CSPP1: variants seen among roughly 807,000 people sequenced by gnomAD.
The protein encoded by CSPP1 is centrosome and spindle pole associated protein 1.
In CSPP1, 126 loss-of-function variants were observed where a neutral mutation model predicts 164.4. The ratio of observed to expected loss-of-function variants is 0.77; its 90% confidence interval spans 0.66 to 0.89. CSPP1 has a LOEUF of 0.89. CSPP1 is among the 40% of genes least tolerant of loss of function. CSPP1 has a pLI of 0.00. For missense variants in CSPP1, 1,395 were observed against 1,449.8 expected (o/e 0.96, Z 0.61); for synonymous variants, 472 against 476.7 (o/e 0.99, Z 0.13).
In CSPP1 at chr8:67,175,509, A is replaced by G. The variant is rs548949213; in HGVS notation, c.3109+73A>G. ...TCCGTAGGCTTTCTGCATCTCTTCT[A>G]TTGATTTCATTCCCAGGCATCCTCC... On this transcript the variant is annotated intron_variant, in intron 26 of 30. Coordinates refer to ENST00000678616, the MANE Select transcript of CSPP1 (RefSeq NM_001382391.1). 2.3e-4 allele frequency: 354 copies of G among 1,547,232 alleles called. 1 individual carries two copies. The highest frequency in any genetic ancestry group is 1.2e-4 in the Non-Finnish European group (140 of 1,124,394).
intron 18 of CSPP1, among the ~76,000 whole-genome samples, chr8:67,152,914 T>TA (rs1825967400): frequency 6.6e-6 from 1 of 152,314 alleles, no homozygotes; most frequent in Non-Finnish European, 1.5e-5. Flanking sequence ...ATACATGCTT[T>TA]AGGCTGGGCA....
In CSPP1 at chr8:67,169,659, C is replaced by T. The variant is rs1467018321; in HGVS notation, c.2829-2757C>T. Among the ~76,000 whole-genome samples the T allele has an allele frequency of 2.6e-5, 4 of 152,048 alleles. No homozygotes were observed. In the East Asian group the frequency reaches 7.7e-4, roughly 29 times the overall value. ...TTCACCATGTTGGTCAGGCTGGTCT[C>T]AAATTCTTGACCTCAGGTGATCCAC... On this transcript the variant is annotated intron_variant, in intron 24 of 30. Transcript: ENST00000678616.
At chr8:67,104,686 G>A (rs571724914) in intron 8 of CSPP1, among the ~76,000 whole-genome samples, 37 of 151,076 alleles carry the variant, frequency 2.4e-4, no homozygotes, top group African/African-American at 9.0e-4. Context: ...CACCCAGACT[G>A]GAGTGCAGCG....
intron 19 of CSPP1, among the ~76,000 whole-genome samples, chr8:67,156,931 C>G (rs1273954539): frequency 2.6e-5 from 4 of 152,298 alleles, no homozygotes; most frequent in African/African-American, 9.6e-5. Context: ...GCTTTCCAGA[C>G]CAGAAACCTG....
chr8:67,074,223 A>G lies in CSPP1; in HGVS notation c.-10-20A>G. On this transcript the variant is annotated intron_variant, in intron 1 of 30. Coordinates refer to ENST00000678616, the MANE Select transcript of CSPP1 (RefSeq NM_001382391.1). ...AAAATACTGTGATATAGATACGCTC[A>G]CTGAAATTTTTTTTTAAAGAATCTG... 9.0e-6 allele frequency: 13 copies of G among 1,446,350 alleles called. No homozygotes were observed. Among genetic ancestry groups the G allele is most frequent in the African/African-American group, 1.4e-5 (1 of 71,426 alleles). The allele number at this position is 1,446,350 out of a possible 1,614,324, so 89.6% of individuals were successfully genotyped here.
At chr8:67,106,482 A>C (rs754376525) in intron 9 of CSPP1, among the ~76,000 whole-genome samples, 13 of 151,944 alleles carry the variant, frequency 8.6e-5, no homozygotes, top group Non-Finnish European at 1.3e-4. Flanking sequence ...ACTGCTGTGT[A>C]TTTTAGTTTC....
At chr8:67,163,003 TA>T (rs1828671677) in intron 22 of CSPP1, among the ~76,000 whole-genome samples, 1 of 152,066 alleles carries the variant, frequency 6.6e-6, no homozygotes, top group Non-Finnish European at 1.5e-5. Flanking sequence ...ACAAGAGAAG[TA>T]AAGGAGGCTG....
rs1827515831 is a variant in CSPP1, at chr8:67,159,860, CTTT to C, written c.2538+724_2538+726del. Among the ~76,000 whole-genome samples the C allele has an allele frequency of 4.1e-4, 10 of 24,622 alleles. 1 individual carries two copies. The highest frequency in any genetic ancestry group is 6.3e-4 in the Non-Finnish European group (9 of 14,302). The allele number at this position is 24,622 out of a possible 152,430, so 16.2% of individuals were successfully genotyped here. On this transcript the variant is annotated intron_variant, in intron 21 of 30. Coordinates refer to ENST00000678616, the MANE Select transcript of CSPP1 (RefSeq NM_001382391.1). ...TTTCTTTCTTTCTTTCTTTTTCTTT[CTTT>C]CTTTCTTTCTTTCTTTCTTTCTTTC...
intron 24 of CSPP1, 21 bp from the exon 25 acceptor site, chr8:67,172,395 T>C (rs751975302): frequency 6.3e-7 from 1 of 1,595,106 alleles, no homozygotes; most frequent in East Asian, 2.2e-5. Context: ...GCACATATTA[T>C]GATTTGTCAT....
intron 17 of CSPP1, among the ~76,000 whole-genome samples, chr8:67,146,291 T>C (rs1174595705): frequency 6.6e-6 from 1 of 151,916 alleles, no homozygotes; most frequent in African/African-American, 2.4e-5. Flanking sequence ...GCCCAGCTAA[T>C]TACAAAATTT....
At chr8:67,116,836 T>C (rs1015564823) in intron 13 of CSPP1, among the ~76,000 whole-genome samples, 1 of 152,206 alleles carries the variant, frequency 6.6e-6, no homozygotes, top group Non-Finnish European at 1.5e-5. Context: ...TCTTAACTTT[T>C]TTGAACATTG....
At chr8:67,130,086 G>A (rs1041085597) in intron 15 of CSPP1, among the ~76,000 whole-genome samples, 1 of 152,090 alleles carries the variant, frequency 6.6e-6, no homozygotes, top group Non-Finnish European at 1.5e-5. Flanking sequence ...CATGTATGTG[G>A]AGGGCCTACT....
chr8:67,157,424 T>C (rs1411797915), intron 19 of CSPP1, among the ~76,000 whole-genome samples: 1 of 151,936 alleles, frequency 6.6e-6, no homozygotes, highest in African/African-American at 2.4e-5. Context: ...GCCTCCTGAG[T>C]AGCTGGGATT....
At chr8:67,140,664 C>A (rs1217064231) in intron 17 of CSPP1, among the ~76,000 whole-genome samples, 1 of 152,190 alleles carries the variant, frequency 6.6e-6, no homozygotes, top group African/African-American at 2.4e-5. Context: ...TTAGTCCAGG[C>A]ATTTAATGGA....
intron 15 of CSPP1, among the ~76,000 whole-genome samples, chr8:67,129,517 C>T (rs542498113): frequency 6.6e-6 from 1 of 152,014 alleles, no homozygotes; most frequent in South Asian, 2.1e-4. Flanking sequence ...AGCATGTAAT[C>T]AAAAGAAATA....
At chr8:67,191,622 A>G (rs986834847) in intron 29 of CSPP1, among the ~76,000 whole-genome samples, 1 of 152,214 alleles carries the variant, frequency 6.6e-6, no homozygotes, top group Non-Finnish European at 1.5e-5. Flanking sequence ...TTAGTGTTGA[A>G]TAATTTTCCA....
chr8:67,153,845 T>C lies in CSPP1; in HGVS notation c.2129-179T>C, dbSNP rs369402453. 2.6e-4 allele frequency among the ~76,000 whole-genome samples: 40 copies of C among 152,180 alleles called. No individual in the cohort carries two copies. The East Asian group carries it at 4.4e-3, about 17-fold the overall frequency. On this transcript the variant is annotated intron_variant, in intron 18 of 30. Transcript: ENST00000678616. ...TTTATTTTAGTATTACCATTTTTCT[T>C]TCTCTTACTACTGTTCATCTGATCT... is the stretch of plus-strand genomic sequence containing the variant.
chr8:67,189,136 G>A (rs1012636839), intron 28 of CSPP1, among the ~76,000 whole-genome samples: 19 of 152,186 alleles, frequency 1.2e-4, no homozygotes, highest in African/African-American at 4.6e-4. Context: ...GCAAGGTTAT[G>A]GAGCAATAGG....
In CSPP1 at chr8:67,074,295, AGATTGGCC is replaced by A; in HGVS notation, c.46_53del (p.Leu16ArgfsTer8). On this transcript the variant is annotated frameshift_variant, in exon 2 of 31. Transcript: ENST00000678616. LOFTEE classifies it high-confidence loss of function. Reference sequence around the variant, plus strand: ...TGAATTTATTGAAGAGCAAAAAGCCAGATTGGCCGAAGACAAAGCAGAGTTGGAAAGTG... The same window carrying A: ...TGAATTTATTGAAGAGCAAAAAGCCAGAAGACAAAGCAGAGTTGGAAAGTG... 6.2e-7 allele frequency: 1 copy of A among 1,611,824 alleles called. No homozygotes were observed. Among genetic ancestry groups the A allele is most frequent in the Non-Finnish European group, 8.5e-7 (1 of 1,178,984 alleles).
Sources: allele counts gnomAD v4.1 joint callset (sites outside exome capture counted in the v4.1 genomes callset), GRCh38; gene constraint gnomAD v4.1.1; transcripts MANE v1.5; gene names NCBI Gene and HGNC (gene_info 2026-07-23, HGNC 2026-07-21).